CNTN4: variants seen among roughly 807,000 people sequenced by gnomAD.
CNTN4 encodes contactin-4.
In CNTN4, 77 loss-of-function variants were observed where a neutral mutation model predicts 122.5. The observed-to-expected ratio is 0.63, with a 90% CI of 0.52 to 0.76. The LOEUF (loss-of-function observed/expected upper bound fraction) is 0.76, where lower values mean the gene tolerates loss of function less well. Among genes scored for constraint, CNTN4 ranks in the 30% least tolerant of loss-of-function variants. The pLI is 0.00. For synonymous variants in CNTN4, 512 were observed against 447.0 expected, an observed-to-expected ratio of 1.15 and a Z score of -1.83; for missense variants, 1,256 against 1,259.1, an observed-to-expected ratio of 1.00 and a Z score of 0.04.
chr3:2,433,350 C>T (rs781450037), intron 3 of CNTN4, among the ~76,000 whole-genome samples: 3 of 152,138 alleles, frequency 2.0e-5, no homozygotes, highest in Non-Finnish European at 4.4e-5. Context: ...GGTGATAGCT[C>T]ATTGTGGTTT....
chr3:2,473,568 A>G (rs1287538775), intron 3 of CNTN4, among the ~76,000 whole-genome samples: 1 of 152,182 alleles, frequency 6.6e-6, no homozygotes, highest in Non-Finnish European at 1.5e-5. Flanking sequence ...CTTGTAGCTG[A>G]TGGTTAACAT....
At chr3:2,661,851 G>T (rs1376390782) in intron 4 of CNTN4, among the ~76,000 whole-genome samples, 1 of 148,708 alleles carries the variant, frequency 6.7e-6, no homozygotes, top group African/African-American at 2.5e-5. Flanking sequence ...TCATCCTGAT[G>T]ATGTTCATTA....
chr3:2,380,701 C>CT (rs77365212), intron 3 of CNTN4, among the ~76,000 whole-genome samples: 12,071 of 143,714 alleles, frequency 0.084, 955 homozygotes, highest in East Asian at 0.5. Flanking sequence ...TAGTGGGTTT[C>CT]TTTTTTTTTT....
intron 4 of CNTN4, among the ~76,000 whole-genome samples, chr3:2,729,543 CAAAAAAAAAA>C (rs377584644): frequency 1.4e-5 from 1 of 70,064 alleles, no homozygotes; most frequent in Non-Finnish European, 2.5e-5. Context: ...GACTCCATCT[CAAAAAAAAAA>C]AAAAAAAAAA....
At chr3:2,507,200 G>T (rs2076752742) in intron 3 of CNTN4, among the ~76,000 whole-genome samples, 1 of 151,964 alleles carries the variant, frequency 6.6e-6, no homozygotes, top group African/African-American at 2.4e-5. Flanking sequence ...CTTCCCTTGG[G>T]CCAGGGTATC....
chr3:2,721,981 CTATGAACCAGAAAGTG>C (rs2087885322), intron 4 of CNTN4, among the ~76,000 whole-genome samples: 1 of 152,168 alleles, frequency 6.6e-6, no homozygotes, highest in African/African-American at 2.4e-5. Context: ...TGGGTGCCCT[CTATGAACCAGAAAGTG>C]GGCTTCACCA....
intron 2 of CNTN4, among the ~76,000 whole-genome samples, chr3:2,336,931 G>A (rs1421142621): frequency 6.6e-6 from 1 of 152,222 alleles, no homozygotes; most frequent in South Asian, 2.1e-4. Context: ...AAATCTCTGA[G>A]AGAGAATCTT....
Position 2,141,848 on chromosome 3 carries a change from G to T in CNTN4, c.-145+41209G>T, listed in dbSNP as rs181169399. Among the ~76,000 whole-genome samples the T allele has an allele frequency of 6.8e-4, 104 of 152,188 alleles. 1 individual carries two copies. The highest frequency in any genetic ancestry group is 2.4e-3 in the African/African-American group (101 of 41,536). ...GCGTTCTTATGATTGCCTCCAAAAT[G>T]TTTAAACCTTTTGACAGTTGCATCC... is the stretch of plus-strand genomic sequence containing the variant. On this transcript the variant is annotated intron_variant, in intron 2 of 24. Transcript: ENST00000418658.
intron 4 of CNTN4, among the ~76,000 whole-genome samples, chr3:2,618,099 A>G (rs938972390): frequency 3.9e-5 from 6 of 152,172 alleles, no homozygotes; most frequent in African/African-American, 1.4e-4. Flanking sequence ...TAGTAGTTAG[A>G]ACAGATACAT....
chr3:2,911,523 A>T (rs1225565317), intron 12 of CNTN4, among the ~76,000 whole-genome samples: 3 of 152,188 alleles, frequency 2.0e-5, no homozygotes, highest in African/African-American at 7.2e-5. Flanking sequence ...ATAATAAAGC[A>T]CACAAAGAAA....
intron 4 of CNTN4, among the ~76,000 whole-genome samples, chr3:2,606,391 G>C: frequency 6.6e-6 from 1 of 152,118 alleles, no homozygotes; most frequent in East Asian, 1.9e-4. Context: ...CGCATGCTCA[G>C]CTTAATACTC....
At chr3:2,426,879 T>C in intron 3 of CNTN4, among the ~76,000 whole-genome samples, 1 of 152,258 alleles carries the variant, frequency 6.6e-6, no homozygotes, top group East Asian at 1.9e-4. Context: ...TAGTATTCTC[T>C]GATGGTAGTT....
rs575257476 is a variant in CNTN4, at chr3:2,767,769, T to C, written c.358+22072T>C. On this transcript the variant is annotated intron_variant, in intron 6 of 24. Coordinates refer to ENST00000418658, the MANE Select transcript of CNTN4 (RefSeq NM_175607.3). ...AAGAAGCAAAGTCTCTAATGGAAGT[T>C]CATCAGTGGCAACAACTGTGGCTAA... Among the ~76,000 whole-genome samples the C allele has an allele frequency of 2.5e-4, 38 of 152,352 alleles. 1 individual carries two copies. In the South Asian group the frequency reaches 7.3e-3, roughly 29 times the overall value.
At chr3:2,554,364 T>G (rs1367163703) in intron 3 of CNTN4, among the ~76,000 whole-genome samples, 5 of 152,104 alleles carry the variant, frequency 3.3e-5, no homozygotes, top group African/African-American at 1.2e-4. Flanking sequence ...CAAACATACT[T>G]TGCTTAGTCC....
chr3:2,358,076 C>G (rs1502574), intron 3 of CNTN4, among the ~76,000 whole-genome samples: 1 of 151,854 alleles, frequency 6.6e-6, no homozygotes, highest in Non-Finnish European at 1.5e-5. Flanking sequence ...TTAGTGTGGA[C>G]GAGGGGAAGT....
At chr3:2,181,124 T>G (rs530997260) in intron 2 of CNTN4, among the ~76,000 whole-genome samples, 2 of 152,226 alleles carry the variant, frequency 1.3e-5, no homozygotes, top group Non-Finnish European at 2.9e-5. Context: ...GTTTTATGAC[T>G]CCAGCATGAC....
At chr3:2,776,426 T>C (rs375925213) in intron 6 of CNTN4, among the ~76,000 whole-genome samples, 26 of 152,068 alleles carry the variant, frequency 1.7e-4, no homozygotes, top group African/African-American at 6.0e-4. Context: ...CTCAGGGCCA[T>C]CTCCTCTGAG....
At chr3:2,319,863 G>C (rs1480202768) in intron 2 of CNTN4, among the ~76,000 whole-genome samples, 1 of 152,156 alleles carries the variant, frequency 6.6e-6, no homozygotes, top group Non-Finnish European at 1.5e-5. Context: ...CTGTAAAAGA[G>C]AATTAAACTT....
intron 3 of CNTN4, among the ~76,000 whole-genome samples, chr3:2,402,125 TG>T (rs974337111): frequency 1.3e-5 from 2 of 152,132 alleles, no homozygotes; most frequent in Non-Finnish European, 2.9e-5. Context: ...TTATGGAAAC[TG>T]CCTCACTAGG....
Sources: allele counts gnomAD v4.1 joint callset (sites outside exome capture counted in the v4.1 genomes callset), GRCh38; gene constraint gnomAD v4.1.1; transcripts MANE v1.5; gene names NCBI Gene and HGNC (gene_info 2026-07-23, HGNC 2026-07-21).